Variants in RFX3 observed in about 807,000 individuals in gnomAD.
The protein encoded by RFX3 is regulatory factor X3.
RFX3 carries 14 observed loss-of-function variants against 98.6 expected under a neutral mutation model. The ratio of observed to expected loss-of-function variants is 0.14; its 90% CI spans 0.09 to 0.22. RFX3 has a LOEUF of 0.22. Ranked by LOEUF, RFX3 falls within the 10% of genes least tolerant of loss-of-function variation. The pLI, the probability that RFX3 is intolerant of heterozygous loss-of-function variation, is 1.00. For missense variants in RFX3, 639 were observed against 926.9 expected (o/e 0.69, Z 4.03); for synonymous variants, 383 against 328.4 (o/e 1.17, Z -1.80).
intron 2 of RFX3, among the ~76,000 whole-genome samples, chr9:3,389,751 T>C (rs191594414): frequency 1.3e-5 from 2 of 152,248 alleles, no homozygotes; most frequent in South Asian, 2.1e-4. Flanking sequence ...AAAAAACATA[T>C]ATTTCATGTT....
chr9:3,504,338 T>C (rs964424349), intron 1 of RFX3, among the ~76,000 whole-genome samples: 4 of 118,014 alleles, frequency 3.4e-5, no homozygotes, highest in African/African-American at 1.5e-4. Flanking sequence ...ATATATATTA[T>C]ATGCCACATA....
intron 2 of RFX3, among the ~76,000 whole-genome samples, chr9:3,365,005 G>C (rs1034683156): frequency 1.6e-4 from 24 of 151,914 alleles, no homozygotes; most frequent in Non-Finnish European, 2.5e-4. Flanking sequence ...AAACAGTTAA[G>C]TAAAAAAAGT....
intron 4 of RFX3, among the ~76,000 whole-genome samples, chr9:3,322,291 C>T (rs539030993): frequency 1.3e-5 from 2 of 152,034 alleles, no homozygotes; most frequent in Admixed American, 1.3e-4. Flanking sequence ...GTATCCCTGG[C>T]GAACTTTAGG....
chr9:3,270,837 A>G, intron 10 of RFX3, 166 bp downstream of exon 10: 2 of 929,130 alleles, frequency 2.2e-6, no homozygotes, highest in Non-Finnish European at 3.2e-6. Flanking sequence ...CACACACTGA[A>G]ACCTCAAGAG....
rs374929307 is a variant in RFX3 at position 3,377,433 on chromosome 9, G to A, written c.117+18039C>T. On this transcript the variant is annotated intron_variant, in intron 2 of 16. Transcript: ENST00000617270. ...CACAGGAAGGGGAACATCACACACC[G>A]GGGCCTGTCATGGGGTGAGGGGAAG... Among the ~76,000 whole-genome samples the A allele has an allele frequency of 8.1e-4, 123 of 152,190 alleles. 1 individual carries two copies. In the South Asian group the frequency reaches 0.022, roughly 28 times the overall value.
intron 15 of RFX3, among the ~76,000 whole-genome samples, chr9:3,239,174 T>C (rs1217399279): frequency 2.5e-4 from 38 of 152,194 alleles, no homozygotes; most frequent in Admixed American, 2.5e-3. Flanking sequence ...AATCAAAGCA[T>C]TCTGCATTTA....
At chr9:3,253,969 C>T (rs1168276107) in intron 14 of RFX3, among the ~76,000 whole-genome samples, 1 of 152,124 alleles carries the variant, frequency 6.6e-6, no homozygotes, top group African/African-American at 2.4e-5. Flanking sequence ...TTGACTTTGC[C>T]TACCAGCAGG....
intron 14 of RFX3, 51 bp from the exon 15 acceptor site, chr9:3,248,236 A>G (rs748695477): frequency 7.5e-5 from 114 of 1,523,902 alleles, no homozygotes; most frequent in Admixed American, 2.3e-4. Flanking sequence ...GACAAGAATT[A>G]GCATTCTACC....
At chr9:3,381,827 G>T (rs1839224337) in intron 2 of RFX3, among the ~76,000 whole-genome samples, 1 of 152,034 alleles carries the variant, frequency 6.6e-6, no homozygotes. Flanking sequence ...TCATGCCCTT[G>T]GTTAGCTAAG....
intron 6 of RFX3, among the ~76,000 whole-genome samples, chr9:3,292,752 G>T (rs943724122): frequency 1.3e-5 from 2 of 152,110 alleles, no homozygotes; most frequent in Non-Finnish European, 2.9e-5. Flanking sequence ...ATGTGCGTGT[G>T]TGTGTGTATG....
chr9:3,326,786 T>C (rs1831971320), intron 4 of RFX3, among the ~76,000 whole-genome samples: 1 of 152,172 alleles, frequency 6.6e-6, no homozygotes, highest in African/African-American at 2.4e-5. Flanking sequence ...GCAGAAAACT[T>C]TGCCATAGGA....
chr9:3,398,010 C>T (rs1225284411), intron 1 of RFX3, among the ~76,000 whole-genome samples: 8 of 152,142 alleles, frequency 5.3e-5, no homozygotes, highest in Non-Finnish European at 7.4e-5. Context: ...TAATGCTCAG[C>T]TCCAGCATAT....
At chr9:3,444,701 T>C (rs1224882320) in intron 1 of RFX3, among the ~76,000 whole-genome samples, 1 of 152,170 alleles carries the variant, frequency 6.6e-6, no homozygotes, top group Non-Finnish European at 1.5e-5. Flanking sequence ...AAACAGCTGA[T>C]GGCACAGCAA....
intron 1 of RFX3, among the ~76,000 whole-genome samples, chr9:3,504,101 T>TTC (rs148460230): frequency 3.3e-4 from 46 of 137,610 alleles, no homozygotes; most frequent in African/African-American, 9.5e-4. Context: ...CAATACATCT[T>TTC]TCTCTCTCTC....
intron 2 of RFX3, among the ~76,000 whole-genome samples, chr9:3,348,660 T>C (rs1834730112): frequency 1.3e-5 from 2 of 152,062 alleles, no homozygotes; most frequent in Non-Finnish European, 1.5e-5. Context: ...GAAAATGACT[T>C]TATCCCCCAG....
At chr9:3,425,088 C>G (rs573044063) in intron 1 of RFX3, among the ~76,000 whole-genome samples, 12 of 152,180 alleles carry the variant, frequency 7.9e-5, no homozygotes, top group Admixed American at 1.3e-4. Flanking sequence ...AATTTTAAAA[C>G]TTAGCCAGGC....
At chr9:3,321,534 G>C (rs1312971665) in intron 4 of RFX3, among the ~76,000 whole-genome samples, 2 of 152,138 alleles carry the variant, frequency 1.3e-5, no homozygotes, top group Non-Finnish European at 2.9e-5. Flanking sequence ...GCCTGTTCTT[G>C]TACTTGCTCT....
chr9:3,473,280 GT>G (rs1246783821), intron 1 of RFX3, among the ~76,000 whole-genome samples: 2 of 152,110 alleles, frequency 1.3e-5, no homozygotes, highest in East Asian at 3.8e-4. Context: ...CTGCTACAGA[GT>G]TTCCCCTTTG....
intron 1 of RFX3, among the ~76,000 whole-genome samples, chr9:3,417,244 T>C (rs1843062338): frequency 6.6e-6 from 1 of 151,942 alleles, no homozygotes. Context: ...TAAAATGCAG[T>C]ATTATTGATG....
Sources: allele counts gnomAD v4.1 joint callset (sites outside exome capture counted in the v4.1 genomes callset), GRCh38; gene constraint gnomAD v4.1.1; transcripts MANE v1.5; gene names NCBI Gene and HGNC (gene_info 2026-07-23, HGNC 2026-07-21).